The following SLC2A12 variants were observed in gnomAD, a reference collection of about 807,000 sequenced individuals.
SLC2A12 encodes solute carrier family 2 member 12.
Under a neutral mutation model 41.8 loss-of-function variants are expected in SLC2A12, and 23 were observed. That is an observed-to-expected ratio of 0.55 (90% CI 0.40 to 0.78). SLC2A12 has a LOEUF of 0.78. Ranked by LOEUF, SLC2A12 falls within the 30% of genes least tolerant of loss-of-function variation. The pLI is 0.00. For synonymous variants in SLC2A12, 295 were observed against 285.9 expected (o/e 1.03, Z -0.32); for missense variants, 654 against 745.6 (o/e 0.88, Z 1.43).
chr6:134,016,078 C>A (rs1399856111), intron 2 of SLC2A12, among the ~76,000 whole-genome samples: 3 of 152,060 alleles, frequency 2.0e-5, no homozygotes, highest in Non-Finnish European at 4.4e-5. Context: ...CTCCGTAGGT[C>A]TCTCACATTT....
rs200249148 is a variant in SLC2A12, at chr6:133,987,648, G to GTGTGTATATATATATATATATATATA, written c.*3506_*3507insTATATATATATATATATATATACACA. On this transcript the variant is annotated 3_prime_UTR_variant, in exon 5 of 5. Transcript: ENST00000275230. ...TTTGTGTGTGTGTGTGTGTGTGTGTGTATATATATATATATATATGCACCA... is the reference window on the plus strand; with the variant it reads ...TTTGTGTGTGTGTGTGTGTGTGTGTGTGTGTATATATATATATATATATATATATATATATATATATATATGCACCA... 5.0e-4 allele frequency: 44 copies of GTGTGTATATATATATATATATATATA among 88,350 alleles called. No individual in the cohort carries two copies. The highest frequency in any genetic ancestry group is 1.5e-3 in the African/African-American group (41 of 27,534). 5.5% of individuals were successfully genotyped at this position (88,350 alleles called of 1,614,324 possible).
chr6:134,010,466 C>T (rs1013748542), intron 2 of SLC2A12, among the ~76,000 whole-genome samples: 7 of 152,118 alleles, frequency 4.6e-5, no homozygotes, highest in Admixed American at 2.6e-4. Flanking sequence ...TCAGCAGGCA[C>T]GAAAATTATT....
chr6:134,047,509 A>G (rs951171159), intron 1 of SLC2A12, among the ~76,000 whole-genome samples: 3 of 152,226 alleles, frequency 2.0e-5, no homozygotes, highest in Non-Finnish European at 4.4e-5. Context: ...TTATCTACAC[A>G]TGCAAATCTC....
intron 4 of SLC2A12, among the ~76,000 whole-genome samples, chr6:133,997,077 TA>T (rs1776704448): frequency 6.3e-5 from 1 of 15,962 alleles, no homozygotes; most frequent in Admixed American, 8.8e-4. Context: ...CCGTCTCTAC[TA>T]AAAATACAAA....
intron 1 of SLC2A12, among the ~76,000 whole-genome samples, chr6:134,033,702 G>T (rs1562202248): frequency 6.6e-6 from 1 of 152,178 alleles, no homozygotes; most frequent in Non-Finnish European, 1.5e-5. Context: ...AATAGCAGAA[G>T]AAGATTGTCC....
At chr6:134,013,093 G>C (rs1346606743) in intron 2 of SLC2A12, among the ~76,000 whole-genome samples, 1 of 152,122 alleles carries the variant, frequency 6.6e-6, no homozygotes, top group Non-Finnish European at 1.5e-5. Context: ...AAGCTGGAAA[G>C]TCTTTTATTG....
At chr6:134,043,482 C>A (rs900246613) in intron 1 of SLC2A12, among the ~76,000 whole-genome samples, 6 of 152,160 alleles carry the variant, frequency 3.9e-5, no homozygotes, top group Admixed American at 3.3e-4. Context: ...TCACCACTAC[C>A]GTCACTTTTA....
intron 1 of SLC2A12, among the ~76,000 whole-genome samples, chr6:134,043,681 G>T (rs1048816850): frequency 2.0e-5 from 3 of 151,296 alleles, no homozygotes; most frequent in Middle Eastern, 3.4e-3. Context: ...AGTCCCAGCT[G>T]CTTGGGAGGC....
intron 4 of SLC2A12, among the ~76,000 whole-genome samples, chr6:134,000,494 C>G (rs990925973): frequency 6.6e-6 from 1 of 152,230 alleles, no homozygotes; most frequent in Admixed American, 6.5e-5. Flanking sequence ...TGTAATCATA[C>G]ATTTTTCTCT....
Position 133,989,393 on chromosome 6 carries a change from A to G in SLC2A12, c.*1762T>C. 1 of 152,200 alleles carries G rather than the reference A, an allele frequency of 6.6e-6. No individual in the cohort carries two copies. The highest frequency in any genetic ancestry group is 2.4e-5 in the African/African-American group (1 of 41,444). 9.4% of individuals were successfully genotyped at this position (152,200 alleles called of 1,614,324 possible). Reference sequence around the variant, plus strand: ...TGCTCAAGATACTGAAGTCAAGGTCACTAGTAATAAACTGGCTAGGTTGAT... The same window carrying G: ...TGCTCAAGATACTGAAGTCAAGGTCGCTAGTAATAAACTGGCTAGGTTGAT... On this transcript the variant is annotated 3_prime_UTR_variant, in exon 5 of 5. Coordinates refer to ENST00000275230, the MANE Select transcript of SLC2A12 (RefSeq NM_145176.3).
intron 1 of SLC2A12, among the ~76,000 whole-genome samples, chr6:134,048,734 A>G (rs1283969089): frequency 1.3e-5 from 2 of 152,198 alleles, no homozygotes; most frequent in Admixed American, 6.5e-5. Flanking sequence ...TTTAATATAT[A>G]GAAAGTGTGG....
chr6:133,991,137 C>T lies in SLC2A12; in HGVS notation c.*18G>A. On this transcript the variant is annotated 3_prime_UTR_variant, in exon 5 of 5. Coordinates refer to ENST00000275230, the MANE Select transcript of SLC2A12 (RefSeq NM_145176.3). ...TAAGTGTTCTGGCACTATCCACGTT[C>T]AGAAGGTGTTGAGGCCATTAGGTCT... The T allele has an allele frequency of 6.2e-7, 1 of 1,603,176 alleles. No individual in the cohort carries two copies. The highest frequency in any genetic ancestry group is 8.5e-7 in the Non-Finnish European group (1 of 1,176,670).
rs574012417 is a variant in SLC2A12 at position 133,994,670 on chromosome 6, T to G, written c.1701-3362A>C. ...GTGAACCTGGGAGGCAGAGCTTGCA[T>G]TGAGCCGAGATGGCACTCCAACCTG... On this transcript the variant is annotated intron_variant, in intron 4 of 4. Coordinates refer to ENST00000275230, the MANE Select transcript of SLC2A12 (RefSeq NM_145176.3). 5.1e-3 allele frequency among the ~76,000 whole-genome samples: 777 copies of G among 152,150 alleles called. 7 individuals carry two copies. Among genetic ancestry groups the G allele is most frequent in the African/African-American group, 0.017 (720 of 41,522 alleles).
chr6:134,032,856 TATATA>T (rs1345517100), intron 1 of SLC2A12, among the ~76,000 whole-genome samples: 3 of 143,596 alleles, frequency 2.1e-5, no homozygotes, highest in Admixed American at 7.1e-5. Context: ...AATATATATT[TATATA>T]ATATATTACA....
intron 1 of SLC2A12, among the ~76,000 whole-genome samples, chr6:134,040,333 C>A (rs905731612): frequency 1.3e-5 from 2 of 152,148 alleles, no homozygotes; most frequent in African/African-American, 4.8e-5. Context: ...CCCACCTCAG[C>A]CTCCCAAAGT....
chr6:134,016,777 A>G (rs1488997285), intron 2 of SLC2A12, among the ~76,000 whole-genome samples: 1 of 152,190 alleles, frequency 6.6e-6, no homozygotes, highest in African/African-American at 2.4e-5. Context: ...ATTTTTCTAC[A>G]AAGATCTTTT....
At chr6:134,022,515 G>C (rs1470946706) in intron 2 of SLC2A12, among the ~76,000 whole-genome samples, 1 of 150,780 alleles carries the variant, frequency 6.6e-6, no homozygotes, top group African/African-American at 2.4e-5. Context: ...TAGGTGACAA[G>C]AGTGAAACTC....
intron 1 of SLC2A12, 131 bp downstream of exon 1, chr6:134,052,247 G>GCACACACACACACACACACACA (rs755818060): frequency 7.4e-6 from 2 of 270,348 alleles, no homozygotes; most frequent in African/African-American, 6.2e-5. Flanking sequence ...GCGCGCGCGC[G>GCACACACACACACACACACACA]CATACACACA....
At chr6:134,002,602 G>T (rs71576339) in intron 3 of SLC2A12, among the ~76,000 whole-genome samples, 1 of 151,998 alleles carries the variant, frequency 6.6e-6, no homozygotes, top group African/African-American at 2.4e-5. Context: ...ATTCCCAATG[G>T]TGGACATTTT....
Sources: allele counts gnomAD v4.1 joint callset (sites outside exome capture counted in the v4.1 genomes callset), GRCh38; gene constraint gnomAD v4.1.1; transcripts MANE v1.5; gene names NCBI Gene and HGNC (gene_info 2026-07-23, HGNC 2026-07-21).